PFKFB2: variants seen among roughly 807,000 people sequenced by gnomAD.
PFKFB2 encodes 6-phosphofructo-2-kinase/fructose-2,6-biphosphatase 2, also known as 6-phosphofructo-2-kinase/fructose-2,6-bisphosphatase 2.
Under a neutral mutation model 68.0 loss-of-function variants are expected in PFKFB2, and 53 were observed. The observed-to-expected ratio is 0.78, with a 90% CI of 0.63 to 0.98. PFKFB2 has a LOEUF of 0.98. PFKFB2 is among the 50% of genes least tolerant of loss of function. The probability of loss-of-function intolerance (pLI) is 0.00; values close to 1 mark genes in which losing one functional copy is unlikely to be tolerated. For missense variants in PFKFB2, 451 were observed against 642.0 expected (o/e 0.70, Z 3.22); for synonymous variants, 222 against 227.6 (o/e 0.98, Z 0.22).
At position 207,067,369 on chromosome 1, in the gene PFKFB2, G is replaced by T. The variant is rs541061388; in HGVS notation, c.633-130G>T. On this transcript the variant is annotated intron_variant, in intron 8 of 14. Transcript: ENST00000367080. ...TCTCCTACCATTTGGTTCCATAAAC[G>T]TGGGTGTGACAGAGGAGGGGAGGAA... is the stretch of plus-strand genomic sequence containing the variant. 4 of 640,852 alleles carry T rather than the reference G, an allele frequency of 6.2e-6. No individual in the cohort carries two copies. The East Asian group carries it at 8.0e-5, about 13-fold the overall frequency. 39.7% of individuals were successfully genotyped at this position (640,852 alleles called of 1,614,324 possible).
upstream of PFKFB2, chr1:207,048,784 T>TGTCA (rs1402434829): frequency 4.2e-6 from 2 of 480,660 alleles, no homozygotes; most frequent in Non-Finnish European, 7.4e-6. Flanking sequence ...TCACCTATTC[T>TGTCA]GTCACTCCAG....
chr1:207,042,567 A>AAAAAAAAT (rs1417715028), intron 2 of PFKFB2, among the ~76,000 whole-genome samples: 1 of 149,662 alleles, frequency 6.7e-6, no homozygotes, highest in Non-Finnish European at 1.5e-5. Context: ...AAAAAAAAAA[A>AAAAAAAAT]AAAAAAAAAA....
chr1:207,059,871 G>T (rs986396750), intron 2 of PFKFB2, among the ~76,000 whole-genome samples: 1 of 152,160 alleles, frequency 6.6e-6, no homozygotes, highest in Non-Finnish European at 1.5e-5. Context: ...CCATTTTACA[G>T]AACTGTTTCT....
upstream of PFKFB2, chr1:207,049,391 A>G (rs141568066): frequency 1.8e-5 from 29 of 1,614,008 alleles, no homozygotes; most frequent in South Asian, 6.6e-5. Context: ...GACAAAATCG[A>G]TATCTCTATT....
chr1:207,059,778 G>T (rs1157991123), intron 2 of PFKFB2, among the ~76,000 whole-genome samples: 4 of 151,850 alleles, frequency 2.6e-5, no homozygotes, highest in African/African-American at 9.7e-5. Context: ...TCTCTACCTG[G>T]GCCCCTCCTC....
chr1:207,048,783 C>A, upstream of PFKFB2: 1 of 477,578 alleles, frequency 2.1e-6, no homozygotes, highest in Non-Finnish European at 3.7e-6. Context: ...ATCACCTATT[C>A]TGTCACTCCA....
rs113854529 is a variant in PFKFB2, at chr1:207,053,897, ATTTTTCATTT to A, written c.-18+537_-18+546del. 9.3e-4 allele frequency among the ~76,000 whole-genome samples: 111 copies of A among 119,816 alleles called. No homozygotes were observed. In the Middle Eastern group the frequency reaches 0.015, roughly 17 times the overall value. The allele number at this position is 119,816 out of a possible 152,430, so 78.6% of individuals were successfully genotyped here. A position where few individuals can be genotyped will look rare whatever the true frequency, so the allele number is the denominator to read the frequency against. ...TTTTTCTTTTCTTTCTTTCTTTTTC[ATTTTTCATTT>A]TTTTTTTTTTTTTTTTTGACAGAGT... On this transcript the variant is annotated intron_variant, in intron 1 of 14. Transcript: ENST00000367080.
rs2102287614 is a variant in PFKFB2, at chr1:207,075,684, G to C, written c.*3313G>C. 6 of 973,378 alleles carry C rather than the reference G, an allele frequency of 6.2e-6. No homozygotes were observed. Among genetic ancestry groups the C allele is most frequent in the Non-Finnish European group, 7.3e-6 (6 of 818,904 alleles). 60.3% of individuals were successfully genotyped at this position (973,378 alleles called of 1,614,324 possible). The stretch of plus-strand genomic sequence containing the variant: ...TATACCTGTAGTCCCAGATACTTGG[G>C]AGGCTGAGGCAGGAGAATCACTTGA... On this transcript the variant is annotated 3_prime_UTR_variant, in exon 15 of 15. Coordinates refer to ENST00000367080, the MANE Select transcript of PFKFB2 (RefSeq NM_006212.2).
At chr1:207,062,158 G>C (rs1683138236) in intron 3 of PFKFB2, 80 bp downstream of exon 3, 2 of 1,586,852 alleles carry the variant, frequency 1.3e-6, no homozygotes, top group South Asian at 2.2e-5. Context: ...ATTCTTCCTG[G>C]CATCAATGCT....
rs75771971 is a variant in PFKFB2 at position 207,043,117 on chromosome 1, T to G, written c.-18+905T>G. Among the ~76,000 whole-genome samples, 392 of 152,248 alleles carry G rather than the reference T, an allele frequency of 2.6e-3. 4 individuals carry two copies. The highest frequency in any genetic ancestry group is 8.9e-3 in the African/African-American group (371 of 41,544). On this transcript the variant is annotated intron_variant, in intron 2 of 5. Transcript: ENST00000545806. ...CAATTTCTGATGTCCTTCTGAGCAC[T>G]TGCATTTCTAACAAGTTCCCAGGTA...
At chr1:207,045,708 A>G (rs925856908) in intron 2 of PFKFB2, 1 of 152,022 alleles carries the variant, frequency 6.6e-6, no homozygotes, top group African/African-American at 2.4e-5. Flanking sequence ...TGCAACACCC[A>G]CGTTTTAATC....
chr1:207,073,077 A>G lies in PFKFB2; in HGVS notation c.*706A>G. 1 of 985,488 alleles carries G rather than the reference A, an allele frequency of 1.0e-6. No individual in the cohort carries two copies. Among genetic ancestry groups the G allele is most frequent in the East Asian group, 1.1e-4 (1 of 8,820 alleles). 61.0% of individuals were successfully genotyped at this position (985,488 alleles called of 1,614,324 possible). On this transcript the variant is annotated 3_prime_UTR_variant, in exon 15 of 15. Coordinates refer to ENST00000367080, the MANE Select transcript of PFKFB2 (RefSeq NM_006212.2). ...CCAGCCCAGACTACAGGACATCCACAGAATATTCTGGAGCTTGCAAGTAGA... is the reference window on the plus strand; with the variant it reads ...CCAGCCCAGACTACAGGACATCCACGGAATATTCTGGAGCTTGCAAGTAGA...
downstream of PFKFB2, chr1:207,079,237 C>T: frequency 1.7e-6 from 1 of 587,546 alleles, no homozygotes; most frequent in South Asian, 2.0e-5. Context: ...TGCCTCAAAA[C>T]ATTTAGCAAC....
chr1:207,049,338 T>C (rs755243153), upstream of PFKFB2: 9 of 1,614,088 alleles, frequency 5.6e-6, no homozygotes, highest in Non-Finnish European at 7.6e-6. Flanking sequence ...CAATTCTTAC[T>C]GTCTGTGTAT....
chr1:207,078,248 AT>A (rs1558069789), downstream of PFKFB2, among the ~76,000 whole-genome samples: 1 of 152,112 alleles, frequency 6.6e-6, no homozygotes, highest in Middle Eastern at 3.4e-3. Flanking sequence ...ACAGCATTTA[AT>A]TTTTTTTGAG....
In PFKFB2 at chr1:207,059,548, A is replaced by G. The variant is rs368211965; in HGVS notation, c.86-2405A>G. On this transcript the variant is annotated intron_variant, in intron 2 of 14. Coordinates refer to ENST00000367080, the MANE Select transcript of PFKFB2 (RefSeq NM_006212.2). The stretch of plus-strand genomic sequence containing the variant: ...CAGTTTGCTTGCCTTTAAGCTCCCT[A>G]TTTGAACACAGATGAAAATCACTTA... Among the ~76,000 whole-genome samples, 10 of 152,230 alleles carry G rather than the reference A, an allele frequency of 6.6e-5. No individual in the cohort carries two copies. The South Asian group carries it at 1.9e-3, about 28-fold the overall frequency.
upstream of PFKFB2, chr1:207,049,746 C>G (rs761162694): frequency 6.3e-7 from 1 of 1,582,714 alleles, no homozygotes; most frequent in East Asian, 2.2e-5. Context: ...AAACAAATCC[C>G]GATCTGCAAA....
At chr1:207,056,321 A>G (rs1218793196) in intron 2 of PFKFB2, among the ~76,000 whole-genome samples, 1 of 151,124 alleles carries the variant, frequency 6.6e-6, no homozygotes, top group Non-Finnish European at 1.5e-5. Context: ...TTATTTTTTC[A>G]GTAAAAAATG....
At chr1:207,059,741 T>A (rs543560917) in intron 2 of PFKFB2, among the ~76,000 whole-genome samples, 4 of 152,022 alleles carry the variant, frequency 2.6e-5, no homozygotes, top group Non-Finnish European at 5.9e-5. Flanking sequence ...CAAACACCCT[T>A]AGGAAACTTT....
Sources: gnomAD v4.1 joint callset for allele counts (sites outside exome capture counted in the v4.1 genomes callset) on GRCh38, gnomAD v4.1.1 for gene constraint, MANE v1.5 for transcripts, NCBI Gene and HGNC (gene_info 2026-07-23, HGNC 2026-07-21) for gene names.